Variants in GBE1 observed in about 807,000 individuals in gnomAD.
The protein encoded by GBE1 is 1,4-alpha-glucan-branching enzyme.
Under a neutral mutation model 88.8 loss-of-function variants are expected in GBE1, and 70 were observed. The observed-to-expected ratio is 0.79, with a 90% CI of 0.65 to 0.96. GBE1 has a LOEUF of 0.96. GBE1 is among the 40% of genes least tolerant of loss of function. The pLI is 0.00. For synonymous variants in GBE1, 284 were observed against 300.1 expected (o/e 0.95, Z 0.56); for missense variants, 872 against 871.0 (o/e 1.00, Z -0.01).
intron 1 of GBE1, 83 bp downstream of exon 1, chr3:81,761,292 G>T (rs1205114391): frequency 2.7e-6 from 4 of 1,502,558 alleles, no homozygotes; most frequent in Non-Finnish European, 3.6e-6. Flanking sequence ...GCGCGCGAGG[G>T]CCGAGGGGCG....
intron 12 of GBE1, among the ~76,000 whole-genome samples, chr3:81,551,060 C>G (rs1312072609): frequency 6.6e-6 from 1 of 152,180 alleles, no homozygotes; most frequent in South Asian, 2.1e-4. Flanking sequence ...GCTTTGGTCT[C>G]CACGTTCTCT....
chr3:81,593,694 C>T (rs1046147482), intron 8 of GBE1, among the ~76,000 whole-genome samples: 3 of 151,946 alleles, frequency 2.0e-5, no homozygotes, highest in East Asian at 3.9e-4. Context: ...AAGCTACACA[C>T]GAATTATAGC....
chr3:81,574,019 G>A (rs1208387696), intron 12 of GBE1, among the ~76,000 whole-genome samples: 2 of 152,098 alleles, frequency 1.3e-5, no homozygotes, highest in Non-Finnish European at 2.9e-5. Context: ...CAGCAGCATC[G>A]TTCAGTAGAC....
At chr3:81,682,499 C>T (rs966217903) in intron 2 of GBE1, among the ~76,000 whole-genome samples, 2 of 151,798 alleles carry the variant, frequency 1.3e-5, no homozygotes, top group Non-Finnish European at 2.9e-5. Flanking sequence ...TAAAAATAGT[C>T]ATAAAAAAGG....
intron 12 of GBE1, among the ~76,000 whole-genome samples, chr3:81,544,527 TAAC>T (rs1703180687): frequency 6.6e-6 from 1 of 152,188 alleles, no homozygotes; most frequent in Non-Finnish European, 1.5e-5. Flanking sequence ...TTCAATATAG[TAAC>T]AGAACTGGGT....
intron 7 of GBE1, among the ~76,000 whole-genome samples, chr3:81,605,140 CA>C (rs1408666760): frequency 6.6e-6 from 1 of 152,002 alleles, no homozygotes; most frequent in Non-Finnish European, 1.5e-5. Context: ...GTGATGACAA[CA>C]AAAGGAAGAA....
chr3:81,666,942 T>C (rs550557819), intron 3 of GBE1, among the ~76,000 whole-genome samples: 2 of 152,272 alleles, frequency 1.3e-5, no homozygotes, highest in African/African-American at 4.8e-5. Context: ...AGAATAAAAA[T>C]GTGACAAAAG....
At chr3:81,521,645 C>T (rs1374468098) in intron 14 of GBE1, among the ~76,000 whole-genome samples, 5 of 151,390 alleles carry the variant, frequency 3.3e-5, no homozygotes, top group Admixed American at 6.6e-5. Flanking sequence ...AAGAAGAGAT[C>T]CATTTGCTGG....
rs779869964 is a variant in GBE1 at position 81,761,513 on chromosome 3, G to A, written c.5C>T (p.Ala2Val). Residue 2 changes from alanine (A) to valine (V), a missense_variant, in exon 1 of 16, where the codon GCG (alanine) becomes GTG (valine). Transcript: ENST00000429644. M[A>V]APMTPAARPE... ...CCGAGCCGCGGGAGTCATCGGAGCC[G>A]CCATATTCCGCCGCAGTCCAAGTAG... 12 of 1,607,328 alleles carry A rather than the reference G, an allele frequency of 7.5e-6. No individual in the cohort carries two copies. Among genetic ancestry groups the A allele is most frequent in the South Asian group, 1.1e-5 (1 of 90,604 alleles).
At chr3:81,522,291 A>G (rs539129556) in intron 14 of GBE1, among the ~76,000 whole-genome samples, 24 of 151,684 alleles carry the variant, frequency 1.6e-4, no homozygotes, top group African/African-American at 5.8e-4. Context: ...TTATTTATTA[A>G]AAAACAATAC....
rs565302416 is a variant in GBE1, at chr3:81,734,452, T to C, written c.143+26923A>G. On this transcript the variant is annotated intron_variant, in intron 1 of 15. Transcript: ENST00000429644. ...AGACTCAATAGTGTTGAATCAATAT[T>C]TGAACACAGTATTAAATTAAGTTTT... Among the ~76,000 whole-genome samples, 16 of 152,332 alleles carry C rather than the reference T, an allele frequency of 1.1e-4. No homozygotes were observed. In the South Asian group the frequency reaches 3.3e-3, roughly 32 times the overall value.
chr3:81,529,524 T>C (rs920561138), intron 14 of GBE1, among the ~76,000 whole-genome samples: 1 of 151,032 alleles, frequency 6.6e-6, no homozygotes, highest in African/African-American at 2.4e-5. Flanking sequence ...CAGCTTTTGT[T>C]TGTCTGGGAA....
At chr3:81,683,208 C>T (rs946744803) in intron 2 of GBE1, among the ~76,000 whole-genome samples, 2 of 152,116 alleles carry the variant, frequency 1.3e-5, no homozygotes, top group African/African-American at 4.8e-5. Flanking sequence ...TCAAATTGTA[C>T]ACTTTAAAAT....
At chr3:81,608,066 C>A (rs1486055849) in intron 7 of GBE1, among the ~76,000 whole-genome samples, 2 of 152,182 alleles carry the variant, frequency 1.3e-5, no homozygotes, top group East Asian at 3.8e-4. Context: ...TACCAAAATT[C>A]ATGTTGTTGA....
chr3:81,636,000 C>T (rs962466358), intron 7 of GBE1, among the ~76,000 whole-genome samples: 27 of 152,130 alleles, frequency 1.8e-4, no homozygotes, highest in African/African-American at 6.3e-4. Context: ...ATAAACGAGG[C>T]AGATAATACC....
intron 1 of GBE1, among the ~76,000 whole-genome samples, chr3:81,723,560 G>C (rs938847074): frequency 2.0e-5 from 3 of 151,920 alleles, no homozygotes; most frequent in African/African-American, 7.3e-5. Context: ...TTACTTCACT[G>C]CCTGTTGCAC....
intron 7 of GBE1, among the ~76,000 whole-genome samples, chr3:81,617,751 C>T (rs1704270003): frequency 6.6e-6 from 1 of 151,650 alleles, no homozygotes; most frequent in Non-Finnish European, 1.5e-5. Flanking sequence ...GGGTAGTGTT[C>T]CTTCTTTTTC....
At chr3:81,624,228 C>T (rs1317017933) in intron 7 of GBE1, among the ~76,000 whole-genome samples, 1 of 152,130 alleles carries the variant, frequency 6.6e-6, no homozygotes, top group African/African-American at 2.4e-5. Context: ...CTTGTGAGAA[C>T]TCACTCACTA....
chr3:81,520,537 G>C (rs1374522624), intron 14 of GBE1, among the ~76,000 whole-genome samples: 2 of 151,404 alleles, frequency 1.3e-5, no homozygotes, highest in Non-Finnish European at 3.0e-5. Context: ...ATGCCAACTT[G>C]ATAATGTTCT....
Sources: gnomAD v4.1 joint callset for allele counts (sites outside exome capture counted in the v4.1 genomes callset) on GRCh38, gnomAD v4.1.1 for gene constraint, MANE v1.5 for transcripts, NCBI Gene and HGNC (gene_info 2026-07-23, HGNC 2026-07-21) for gene names.